The following CNIH3 variants were observed in gnomAD, a reference collection of about 807,000 sequenced individuals.
The protein encoded by CNIH3 is protein cornichon homolog 3.
CNIH3 carries 14 observed loss-of-function variants against 24.1 expected under a neutral mutation model. That is an observed-to-expected ratio of 0.58 (90% CI 0.38 to 0.91). CNIH3 has a LOEUF of 0.91. CNIH3 is among the 40% of genes least tolerant of loss of function. CNIH3 has a pLI of 0.00. For synonymous variants in CNIH3, 68 were observed against 73.8 expected (o/e 0.92, Z 0.40); for missense variants, 178 against 196.8 (o/e 0.90, Z 0.57).
chr1:224,602,958 G>T (rs138059903), intron 3 of CNIH3, among the ~76,000 whole-genome samples: 2 of 152,280 alleles, frequency 1.3e-5, no homozygotes, highest in South Asian at 2.1e-4. Flanking sequence ...TTTAGCCAAG[G>T]TTAAGGACAT....
At chr1:224,672,625 A>G (rs1157106708) in intron 1 of CNIH3, among the ~76,000 whole-genome samples, 1 of 152,090 alleles carries the variant, frequency 6.6e-6, no homozygotes, top group Non-Finnish European at 1.5e-5. Context: ...CTGTCTTCAC[A>G]TGGCCTTCAC....
chr1:224,681,001 T>C lies in CNIH3; in HGVS notation c.125T>C (p.Ile42Thr). 6.2e-7 allele frequency: 1 copy of C among 1,614,140 alleles called. No homozygotes were observed. The highest frequency in any genetic ancestry group is 8.5e-7 in the Non-Finnish European group (1 of 1,179,972). ...DELRTDFKSP[I>T]DQCNPVHARE... The stretch of plus-strand genomic sequence containing the variant: ...TTAAGGACAGATTTTAAGAGCCCCA[T>C]AGACCAGTGCAATCCTGTTCATGCG... The change falls in exon 2 of 6, where the codon ATA becomes ACA. Residue 42 changes from isoleucine to threonine, a missense_variant. Physicochemically the swap from Ile to Thr is moderately conservative, Grantham distance 89 (BLOSUM62 -1). Coordinates refer to ENST00000272133, the MANE Select transcript of CNIH3 (RefSeq NM_152495.2).
At chr1:224,484,303 A>G (rs6685872) in intron 1 of CNIH3, among the ~76,000 whole-genome samples, 127,280 of 151,796 alleles carry the variant, frequency 0.84, 53,692 homozygotes, top group East Asian at 0.97. Context: ...GGTAGTGGGC[A>G]CCTGTAGTCC....
chr1:224,612,139 G>A (rs1682729501), upstream of CNIH3, among the ~76,000 whole-genome samples: 1 of 152,168 alleles, frequency 6.6e-6, no homozygotes, highest in Non-Finnish European at 1.5e-5. This position sits in a 1 kb window ranked among gnomAD's most constrained non-coding sequence, Gnocchi z 4.7. Context: ...TGGTGATGCT[G>A]TGCTAGTGAA....
chr1:224,661,950 G>GT (rs1373056725), intron 1 of CNIH3: 1 of 154,860 alleles, frequency 6.5e-6, no homozygotes, highest in Non-Finnish European at 1.4e-5. Context: ...GGAAGGTGGG[G>GT]TGGCAGCATG....
chr1:224,583,389 G>C (rs932233720), intron 5 of CNIH3: 1 of 152,294 alleles, frequency 6.6e-6, no homozygotes, highest in Admixed American at 6.5e-5. Context: ...ATGTCAACCA[G>C]AGTGGACCAG....
At position 224,684,314 on chromosome 1, in the gene CNIH3, T is replaced by G. The variant is rs902665613; in HGVS notation, c.151-482T>G. 6.6e-6 allele frequency among the ~76,000 whole-genome samples: 1 copy of G among 152,164 alleles called. No homozygotes were observed. Among genetic ancestry groups the G allele is most frequent in the Non-Finnish European group, 1.5e-5 (1 of 68,034 alleles). ...GGGAGATTACTTCCTCCAAGTAGAC[T>G]CACTTTAGAAAAATAAAACCAGCAG... On this transcript the variant is annotated intron_variant, in intron 2 of 5. Coordinates refer to ENST00000272133, the MANE Select transcript of CNIH3 (RefSeq NM_152495.2). This position sits in a 1 kb window ranked among gnomAD's most constrained non-coding sequence, Gnocchi z 4.2.
downstream of CNIH3, among the ~76,000 whole-genome samples, chr1:224,592,389 G>T (rs1456949822): frequency 6.6e-6 from 1 of 152,124 alleles, no homozygotes; most frequent in Non-Finnish European, 1.5e-5. Flanking sequence ...GGTAGAAAAA[G>T]GAAGGGAAAT....
chr1:224,738,870 T>C (rs1291805857), intron 5 of CNIH3, among the ~76,000 whole-genome samples: 2 of 152,142 alleles, frequency 1.3e-5, no homozygotes, highest in Non-Finnish European at 2.9e-5. Context: ...CGCTGGCCTT[T>C]GCAGTAGTGA....
chr1:224,678,796 T>C (rs1686258645), intron 1 of CNIH3, among the ~76,000 whole-genome samples: 1 of 152,084 alleles, frequency 6.6e-6, no homozygotes, highest in Non-Finnish European at 1.5e-5. Flanking sequence ...AATTTAATTT[T>C]AATTAATTAA....
At chr1:224,577,681 A>G (rs1681094802) in intron 4 of CNIH3, among the ~76,000 whole-genome samples, 5 of 152,226 alleles carry the variant, frequency 3.3e-5, no homozygotes. Context: ...AAAGTATTGT[A>G]GAACTATTGT....
chr1:224,442,377 A>G (rs1447674639), intron 1 of CNIH3, among the ~76,000 whole-genome samples: 1 of 152,052 alleles, frequency 6.6e-6, no homozygotes, highest in African/African-American at 2.4e-5. Flanking sequence ...AAGGATGTAC[A>G]TTTTCTGCTA....
At position 224,546,891 on chromosome 1, in the gene CNIH3, C is replaced by T. The variant is rs1450190570; in HGVS notation, n.402C>T. On this transcript the variant is annotated non_coding_transcript_exon_variant, in exon 3 of 6. Transcript: ENST00000471578. ...TGGGGCCATTTGACATGGGACACAGCAGGTGCTGGAAGAAGCACATATTTT... is the reference window on the plus strand; with the variant it reads ...TGGGGCCATTTGACATGGGACACAGTAGGTGCTGGAAGAAGCACATATTTT... 4.1e-6 allele frequency: 4 copies of T among 985,134 alleles called. No homozygotes were observed. In the East Asian group the frequency reaches 3.4e-4, roughly 84 times the overall value. The allele number at this position is 985,134 out of a possible 1,614,324, so 61.0% of individuals were successfully genotyped here.
At chr1:224,561,239 T>C (rs1249577347) in intron 3 of CNIH3, among the ~76,000 whole-genome samples, 2 of 152,226 alleles carry the variant, frequency 1.3e-5, no homozygotes, top group Non-Finnish European at 2.9e-5. Context: ...TAAAAATTCT[T>C]AACTTTAATG....
intron 3 of CNIH3, among the ~76,000 whole-genome samples, chr1:224,605,805 C>T (rs748567420): frequency 6.6e-6 from 1 of 152,116 alleles, no homozygotes; most frequent in African/African-American, 2.4e-5. Context: ...CTTACCGTAG[C>T]CCCCTGCCCA....
chr1:224,603,729 T>C (rs1182397177), intron 3 of CNIH3, among the ~76,000 whole-genome samples: 1 of 152,184 alleles, frequency 6.6e-6, no homozygotes, highest in Non-Finnish European at 1.5e-5. Flanking sequence ...TAAAAAGCAT[T>C]GTGTTATTTT....
chr1:224,615,750 AGGATGCAAC>A (rs1245360584), upstream of CNIH3: 1 of 152,262 alleles, frequency 6.6e-6, no homozygotes, highest in African/African-American at 2.4e-5. Context: ...GGGAGGGTAG[AGGATGCAAC>A]GGAAGGACGT....
At chr1:224,625,320 C>CGG (rs1175934306) in intron 1 of CNIH3, among the ~76,000 whole-genome samples, 1 of 152,050 alleles carries the variant, frequency 6.6e-6, no homozygotes, top group Non-Finnish European at 1.5e-5. Context: ...GAGGCCTAGG[C>CGG]GGGCGGATCA....
At chr1:224,581,865 A>G (rs1431887758) in intron 4 of CNIH3, among the ~76,000 whole-genome samples, 5 of 152,270 alleles carry the variant, frequency 3.3e-5, no homozygotes, top group African/African-American at 1.2e-4. Flanking sequence ...TCATACCTAA[A>G]TTACAGGGGG....
Sources: allele counts gnomAD v4.1 joint callset (sites outside exome capture counted in the v4.1 genomes callset), GRCh38; gene constraint gnomAD v4.1.1; non-coding constraint Gnocchi (gnomAD v3.1); transcripts MANE v1.5; gene names NCBI Gene and HGNC (gene_info 2026-07-23, HGNC 2026-07-21).